SEMA5A: variants seen among roughly 807,000 people sequenced by gnomAD.
The protein encoded by SEMA5A is semaphorin 5A.
In SEMA5A, 55 loss-of-function variants were observed where a neutral mutation model predicts 135.5. That is an observed-to-expected ratio of 0.41 (90% confidence interval 0.33 to 0.51). SEMA5A has a LOEUF of 0.51. Ranked by LOEUF, SEMA5A falls within the 20% of genes least tolerant of loss-of-function variation. The pLI, the probability that SEMA5A is intolerant of heterozygous loss-of-function variation, is 0.37. For missense variants in SEMA5A, 1,290 were observed against 1,419.9 expected, an observed-to-expected ratio of 0.91 and a Z score of 1.47; for synonymous variants, 580 against 546.5, an observed-to-expected ratio of 1.06 and a Z score of -0.85.
At chr5:9,285,252 A>C (rs1177993527) in intron 5 of SEMA5A, among the ~76,000 whole-genome samples, 1 of 152,188 alleles carries the variant, frequency 6.6e-6, no homozygotes, top group Non-Finnish European at 1.5e-5. Context: ...CTAATATTTC[A>C]TGATGCAACT....
At chr5:9,523,062 A>T (rs1233569341) in intron 1 of SEMA5A, 2 of 152,204 alleles carry the variant, frequency 1.3e-5, no homozygotes, top group African/African-American at 2.4e-5. Context: ...AGTGTTTAAA[A>T]CCTAATATCA....
At position 9,042,692 on chromosome 5, in the gene SEMA5A, T is replaced by C. The variant is rs1736026744; in HGVS notation, c.*205A>G. 5.4e-6 allele frequency: 3 copies of C among 558,008 alleles called. No individual in the cohort carries two copies. The highest frequency in any genetic ancestry group is 9.3e-6 in the Non-Finnish European group (3 of 322,454). 34.6% of individuals were successfully genotyped at this position (558,008 alleles called of 1,614,324 possible). A position where few individuals can be genotyped will look rare whatever the true frequency, so the allele number is the denominator to read the frequency against. On this transcript the variant is annotated 3_prime_UTR_variant, in exon 23 of 23. Transcript: ENST00000382496. ...CTTCACACCCTGGCTCATTCAACAA[T>C]GGTCAAGATTTTCACGATGTCTTAT...
chr5:9,274,905 C>A (rs1383859882), intron 5 of SEMA5A, among the ~76,000 whole-genome samples: 1 of 152,058 alleles, frequency 6.6e-6, no homozygotes, highest in African/African-American at 2.4e-5. Flanking sequence ...AACACACTTA[C>A]ATCAAAATTA....
chr5:9,399,755 C>G (rs1756566379), intron 2 of SEMA5A, among the ~76,000 whole-genome samples: 3 of 152,030 alleles, frequency 2.0e-5, no homozygotes, highest in African/African-American at 7.2e-5. Context: ...GGAAAGGGGC[C>G]TTGAGGGGAA....
At chr5:9,090,121 G>A (rs1382490561) in intron 16 of SEMA5A, among the ~76,000 whole-genome samples, 6 of 152,184 alleles carry the variant, frequency 3.9e-5, no homozygotes, top group African/African-American at 7.2e-5. Context: ...GTGTGAGAGC[G>A]TGGAAATTCA....
At position 9,077,900 on chromosome 5, in the gene SEMA5A, C is replaced by T. The variant is rs551579527; in HGVS notation, c.2074-11254G>A. ...TGCACAACATATATATGTGCGTGTA[C>T]GTACAAAAATGGAACTACCTTTCCT... is the stretch of plus-strand genomic sequence containing the variant. On this transcript the variant is annotated intron_variant, in intron 16 of 22. Transcript: ENST00000382496. Among the ~76,000 whole-genome samples the T allele has an allele frequency of 2.3e-4, 35 of 152,166 alleles. 1 individual carries two copies. The highest frequency in any genetic ancestry group is 2.2e-3 in the Admixed American group (33 of 15,282).
chr5:9,432,418 C>T lies in SEMA5A; in HGVS notation c.-78+5338G>A, dbSNP rs573294305. On this transcript the variant is annotated intron_variant, in intron 2 of 22. Coordinates refer to ENST00000382496, the MANE Select transcript of SEMA5A (RefSeq NM_003966.3). ...AAAATTCCTTTCAGGAACGTGGCAC[C>T]GAAAGAAACACCGTCAGCAACTCAG... Among the ~76,000 whole-genome samples the T allele has an allele frequency of 1.6e-3, 250 of 152,196 alleles. 3 individuals are homozygous for T. The highest frequency in any genetic ancestry group is 5.3e-3 in the African/African-American group (222 of 41,524).
At chr5:9,502,471 A>T (rs1241784659) in intron 1 of SEMA5A, among the ~76,000 whole-genome samples, 2 of 152,200 alleles carry the variant, frequency 1.3e-5, no homozygotes, top group African/African-American at 4.8e-5. Context: ...CAAGACTGAC[A>T]GTATCCCAGC....
chr5:9,079,533 C>A (rs916144800), intron 16 of SEMA5A, among the ~76,000 whole-genome samples: 3 of 151,846 alleles, frequency 2.0e-5, no homozygotes, highest in Admixed American at 1.3e-4. Flanking sequence ...CATTCAAAAG[C>A]AAGCAGATGA....
At chr5:9,492,345 T>C (rs935651498) in intron 1 of SEMA5A, among the ~76,000 whole-genome samples, 1 of 152,240 alleles carries the variant, frequency 6.6e-6, no homozygotes, top group Non-Finnish European at 1.5e-5. Context: ...AGAACCTTGC[T>C]GAAATTCACA....
intron 5 of SEMA5A, among the ~76,000 whole-genome samples, chr5:9,304,514 C>CTAAGA (rs1561127277): frequency 6.6e-6 from 1 of 151,582 alleles, no homozygotes; most frequent in East Asian, 1.9e-4. Flanking sequence ...TCTGCAAGAT[C>CTAAGA]TAAAATAATA....
intron 2 of SEMA5A, among the ~76,000 whole-genome samples, chr5:9,414,264 A>G (rs1030900279): frequency 6.6e-6 from 1 of 152,248 alleles, no homozygotes; most frequent in African/African-American, 2.4e-5. Context: ...AGCATAAGAC[A>G]TGGAAAACTA....
At chr5:9,082,059 T>C (rs1253301531) in intron 16 of SEMA5A, among the ~76,000 whole-genome samples, 1 of 152,200 alleles carries the variant, frequency 6.6e-6, no homozygotes, top group Non-Finnish European at 1.5e-5. Context: ...GCCCTTTTTC[T>C]CAAGAGCTTC....
intron 11 of SEMA5A, among the ~76,000 whole-genome samples, chr5:9,158,623 C>A (rs1325892318): frequency 2.0e-5 from 3 of 152,032 alleles, no homozygotes; most frequent in African/African-American, 7.2e-5. Context: ...AGAATGGACA[C>A]TGCTTCAGTG....
chr5:9,283,069 C>T (rs901144648), intron 5 of SEMA5A, among the ~76,000 whole-genome samples: 2 of 152,168 alleles, frequency 1.3e-5, no homozygotes, highest in African/African-American at 2.4e-5. Context: ...AATCAATGTG[C>T]ATTGTTTTAA....
intron 1 of SEMA5A, among the ~76,000 whole-genome samples, chr5:9,508,603 GC>G (rs1212383299): frequency 6.6e-6 from 1 of 152,120 alleles, no homozygotes; most frequent in Non-Finnish European, 1.5e-5. Context: ...GCCTGGAATA[GC>G]CTTCCCCTCT....
chr5:9,242,081 T>C (rs1748227603), intron 5 of SEMA5A, among the ~76,000 whole-genome samples: 1 of 152,262 alleles, frequency 6.6e-6, no homozygotes, highest in Non-Finnish European at 1.5e-5. Flanking sequence ...TGTCATGTAT[T>C]CTGCGATGCG....
Position 9,398,920 on chromosome 5 carries a change from T to C in SEMA5A, c.-77-18897A>G, listed in dbSNP as rs1756524772. Among the ~76,000 whole-genome samples the C allele has an allele frequency of 2.0e-5, 3 of 152,340 alleles. No individual in the cohort carries two copies. In the South Asian group the frequency reaches 6.2e-4, roughly 32 times the overall value. On this transcript the variant is annotated intron_variant, in intron 2 of 22. Transcript: ENST00000382496. ...CCTGTGCTACCAATGGTATAAAGAC[T>C]GACTGTTTTGAGTATCCTGATAATT...
At position 9,384,631 on chromosome 5, in the gene SEMA5A, G is replaced by C. The variant is rs879589806; in HGVS notation, c.-77-4608C>G. ...AGATAGATAGATACATAGATAGATAGATAGATAGATAGATAGATAGATAGA... is the reference window on the plus strand; with the variant it reads ...AGATAGATAGATACATAGATAGATACATAGATAGATAGATAGATAGATAGA... On this transcript the variant is annotated intron_variant, in intron 2 of 22. Transcript: ENST00000382496. 4.0e-3 allele frequency among the ~76,000 whole-genome samples: 447 copies of C among 111,040 alleles called. 16 individuals carry two copies. Among genetic ancestry groups the C allele is most frequent in the East Asian group, 0.012 (50 of 4,212 alleles). 72.8% of individuals were successfully genotyped at this position (111,040 alleles called of 152,430 possible).
Sources: allele counts gnomAD v4.1 joint callset (sites outside exome capture counted in the v4.1 genomes callset), GRCh38; gene constraint gnomAD v4.1.1; transcripts MANE v1.5; gene names NCBI Gene and HGNC (gene_info 2026-07-23, HGNC 2026-07-21).